PARVB: variants seen among roughly 807,000 people sequenced by gnomAD.
The protein encoded by PARVB is beta-parvin.
In PARVB, 46 loss-of-function variants were observed where a neutral mutation model predicts 47.0. The ratio of observed to expected loss-of-function variants is 0.98; its 90% CI spans 0.77 to 1.25. The LOEUF (loss-of-function observed/expected upper bound fraction) is 1.25, where lower values mean the gene tolerates loss of function less well. Among genes scored for constraint, PARVB ranks in the 50% most tolerant of loss-of-function variants. The pLI is 0.00. For missense variants in PARVB, 473 were observed against 471.6 expected (o/e 1.00, Z -0.03); for synonymous variants, 196 against 196.3 (o/e 1.00, Z 0.01).
chr22:44,020,798 T>C (rs2050638757), upstream of PARVB, among the ~76,000 whole-genome samples: 1 of 151,848 alleles, frequency 6.6e-6, no homozygotes, highest in African/African-American at 2.4e-5. Context: ...TTTTTTTTTT[T>C]GAGACTGAGT....
intron 1 of PARVB, among the ~76,000 whole-genome samples, chr22:44,060,041 G>A (rs573095340): frequency 2.2e-4 from 34 of 152,170 alleles, no homozygotes; most frequent in African/African-American, 7.0e-4. Context: ...GAGACCAGGC[G>A]TGGGGGCTCA....
At chr22:44,022,567 T>C (rs5764468), upstream of PARVB, among the ~76,000 whole-genome samples, 57,175 of 151,508 alleles carry the variant, frequency 0.38, 12,754 homozygotes, top group Non-Finnish European at 0.5. Flanking sequence ...AACAGAAACA[T>C]GTACTGCACT....
chr22:44,148,119 CCCTGGGTGTCTT>C (rs1334855844), intron 9 of PARVB, 197 bp downstream of exon 9: 15 of 598,680 alleles, frequency 2.5e-5, no homozygotes, highest in African/African-American at 2.0e-4. Context: ...CCTCGCTGCT[CCCTGGGTGTCTT>C]CCTGCCCGCC....
chr22:44,031,371 T>C (rs2267595), intron 1 of PARVB: 5,226 of 152,350 alleles, frequency 0.034, 168 homozygotes, highest in East Asian at 0.15. Context: ...TCTCATTGTG[T>C]GTTCCGCCCA....
chr22:44,088,629 G>A (rs140312533), intron 1 of PARVB, among the ~76,000 whole-genome samples: 266 of 152,160 alleles, frequency 1.7e-3, no homozygotes, highest in Non-Finnish European at 2.8e-3. Context: ...CCACTGCCAC[G>A]CCTGACTAAT....
At chr22:44,044,009 T>A (rs2051068819) in intron 1 of PARVB, among the ~76,000 whole-genome samples, 1 of 152,174 alleles carries the variant, frequency 6.6e-6, no homozygotes, top group Non-Finnish European at 1.5e-5. Flanking sequence ...ATTAGGACTA[T>A]GAGGCTTTTG....
chr22:44,037,510 C>T (rs567944630), intron 1 of PARVB, among the ~76,000 whole-genome samples: 1 of 152,322 alleles, frequency 6.6e-6, no homozygotes, highest in South Asian at 2.1e-4. Context: ...GTCCCAGGTG[C>T]TGTGCTAGAT....
intron 2 of PARVB, among the ~76,000 whole-genome samples, chr22:44,016,694 C>A (rs1387338439): frequency 6.6e-6 from 1 of 151,990 alleles, no homozygotes; most frequent in Non-Finnish European, 1.5e-5. Context: ...GGTCTTTTTT[C>A]CCCTGGGGCT....
Position 44,147,910 on chromosome 22 carries a change from C to T in PARVB, c.762C>T (p.Ser254=), listed in dbSNP as rs772503278. The T allele has an allele frequency of 8.7e-6, 14 of 1,613,700 alleles. No individual in the cohort carries two copies. The highest frequency in any genetic ancestry group is 6.6e-5 in the South Asian group (6 of 91,050). Residue 254 remains serine, a synonymous_variant, in exon 9 of 13, where the codon AGC becomes AGT. Coordinates refer to ENST00000338758, the MANE Select transcript of PARVB (RefSeq NM_013327.5). ...TCGACCACGCCCCGGATAAGCTCAG[C>T]GTGGTGAAGAAGGTGAGCTATTGGT... The part of the protein sequence containing the change: ...TLFDHAPDKL[S]VVKKSLITFV...
At chr22:44,124,385 T>C (rs1439139042) in intron 4 of PARVB, among the ~76,000 whole-genome samples, 1 of 152,168 alleles carries the variant, frequency 6.6e-6, no homozygotes, top group Non-Finnish European at 1.5e-5. Flanking sequence ...TCCCCAGCAT[T>C]GGTGGGGTCA....
intron 1 of PARVB, among the ~76,000 whole-genome samples, chr22:44,060,718 G>A (rs1408725817): frequency 6.6e-6 from 1 of 152,038 alleles, no homozygotes; most frequent in East Asian, 1.9e-4. Context: ...AGGATGGGAA[G>A]AGGTCTAATC....
chr22:44,091,570 CA>C (rs1326109817), intron 1 of PARVB, among the ~76,000 whole-genome samples: 6 of 152,156 alleles, frequency 3.9e-5, no homozygotes, highest in African/African-American at 1.4e-4. Context: ...TGGAATTGTA[CA>C]GTGTTTGACT....
In PARVB at chr22:44,151,472, A is replaced by T. The variant is rs765620902; in HGVS notation, c.775-11A>T. On this transcript the variant is annotated splice_polypyrimidine_tract_variant and intron_variant, in intron 9 of 12. Transcript: ENST00000338758. ...CATTCATGGCTCCTGTGTCTCTTTTATTCTTGGCAGTCTCTCATCACTTTT... is the reference window on the plus strand; with the variant it reads ...CATTCATGGCTCCTGTGTCTCTTTTTTTCTTGGCAGTCTCTCATCACTTTT... The T allele has an allele frequency of 5.0e-6, 8 of 1,612,344 alleles. No individual in the cohort carries two copies. Among genetic ancestry groups the T allele is most frequent in the Non-Finnish European group, 6.8e-6 (8 of 1,178,458 alleles).
At chr22:44,030,969 C>A (rs138361843) in intron 1 of PARVB, among the ~76,000 whole-genome samples, 1 of 151,992 alleles carries the variant, frequency 6.6e-6, no homozygotes, top group South Asian at 2.1e-4. Context: ...AGGTGAGGGA[C>A]CAGGGCCATA....
intron 1 of PARVB, among the ~76,000 whole-genome samples, chr22:44,053,534 A>T (rs1310528896): frequency 6.6e-6 from 1 of 152,174 alleles, no homozygotes; most frequent in Admixed American, 6.5e-5. Flanking sequence ...CAGCAACACA[A>T]CAACAGTTAA....
chr22:44,024,398 C>T lies in PARVB; in HGVS notation c.59C>T (p.Ser20Leu). 1 of 1,257,790 alleles carries T rather than the reference C, an allele frequency of 8.0e-7. No homozygotes were observed. The highest frequency in any genetic ancestry group is 1.0e-6 in the Non-Finnish European group (1 of 986,372). 77.9% of individuals were successfully genotyped at this position (1,257,790 alleles called of 1,614,324 possible). ...PRPRRMKKDE[S>L]FLGKLGGTLA... ...CCCCGCAGGATGAAGAAGGACGAGT[C>T]GTTCCTGGGCAAGCTGGGCGGCACC... The change falls in exon 1 of 13, where the codon TCG becomes TTG. Residue 20 changes from serine (S) to leucine (L), a missense_variant. Ser to Leu is a moderately radical substitution (Grantham distance 145). Transcript: ENST00000338758.
chr22:44,094,347 A>ATGCCG (rs1301202227), intron 2 of PARVB, among the ~76,000 whole-genome samples: 1 of 152,056 alleles, frequency 6.6e-6, no homozygotes, highest in African/African-American at 2.4e-5. Context: ...ACTCAGGGCC[A>ATGCCG]TGCCATGCCA....
rs987690104 is a variant in PARVB, at chr22:44,136,574, C to T, written c.692+56C>T. On this transcript the variant is annotated intron_variant, in intron 7 of 12. Transcript: ENST00000338758. ...CCCTGCTGCCCCGAGTGAGTGGGAC[C>T]CCAGGCTGCCACTTCAGCCAGGGAC... The T allele has an allele frequency of 3.4e-6, 5 of 1,453,874 alleles. No homozygotes were observed. In the African/African-American group the frequency reaches 4.2e-5, roughly 12 times the overall value. 90.1% of individuals were successfully genotyped at this position (1,453,874 alleles called of 1,614,324 possible). A position where few individuals can be genotyped will look rare whatever the true frequency, so the allele number is the denominator to read the frequency against.
intron 5 of PARVB, among the ~76,000 whole-genome samples, chr22:44,132,075 C>T (rs964490580): frequency 6.6e-6 from 1 of 152,214 alleles, no homozygotes; most frequent in African/African-American, 2.4e-5. Flanking sequence ...AAAGACTAAA[C>T]CAGGAGAAGC....
Sources: allele counts gnomAD v4.1 joint callset (sites outside exome capture counted in the v4.1 genomes callset), GRCh38; gene constraint gnomAD v4.1.1; transcripts MANE v1.5; gene names NCBI Gene and HGNC (gene_info 2026-07-23, HGNC 2026-07-21).